ULK4: variants seen among roughly 807,000 people sequenced by gnomAD.
ULK4 encodes the protein inactive serine/threonine-protein kinase ULK4.
ULK4 carries 133 observed loss-of-function variants against 160.6 expected under a neutral mutation model. That is an observed-to-expected ratio of 0.83 (90% confidence interval 0.72 to 0.96). ULK4 has a LOEUF of 0.96. ULK4 is among the 40% of genes least tolerant of loss of function. The pLI is 0.00. For synonymous variants in ULK4, 534 were observed against 539.8 expected (o/e 0.99, Z 0.15); for missense variants, 1,580 against 1,499.5 (o/e 1.05, Z -0.89).
chr3:41,281,514 G>A (rs746755335), intron 35 of ULK4, among the ~76,000 whole-genome samples: 9 of 152,110 alleles, frequency 5.9e-5, no homozygotes, highest in East Asian at 1.9e-4. Context: ...ATCAATGAAC[G>A]TAGTCCATCA....
intron 32 of ULK4, among the ~76,000 whole-genome samples, chr3:41,512,850 G>T (rs1238025733): frequency 5.9e-5 from 9 of 152,052 alleles, no homozygotes; most frequent in Non-Finnish European, 1.3e-4. Context: ...CAAATCTGGA[G>T]GTATCATATT....
At chr3:41,364,953 C>CA (rs2125776244) in intron 35 of ULK4, among the ~76,000 whole-genome samples, 1 of 152,282 alleles carries the variant, frequency 6.6e-6, no homozygotes, top group East Asian at 1.9e-4. Flanking sequence ...ACTGATTCTG[C>CA]AGGCAAGGGG....
At chr3:41,638,380 A>C (rs1160675950) in intron 30 of ULK4, among the ~76,000 whole-genome samples, 1 of 152,170 alleles carries the variant, frequency 6.6e-6, no homozygotes, top group African/African-American at 2.4e-5. Flanking sequence ...TTTATCCTGT[A>C]AACAACTGAG....
chr3:41,370,766 AGTGGC>A (rs2081348429), intron 35 of ULK4, among the ~76,000 whole-genome samples: 1 of 152,198 alleles, frequency 6.6e-6, no homozygotes, highest in Non-Finnish European at 1.5e-5. Context: ...TCCAAACCCC[AGTGGC>A]GCCTGGAACG....
chr3:41,432,815 T>C (rs1345146580), intron 34 of ULK4, among the ~76,000 whole-genome samples: 1 of 152,136 alleles, frequency 6.6e-6, no homozygotes, highest in Non-Finnish European at 1.5e-5. Context: ...CTGAAATCTT[T>C]TACCAACATA....
intron 31 of ULK4, among the ~76,000 whole-genome samples, chr3:41,611,471 C>G (rs1421919667): frequency 2.0e-5 from 3 of 152,216 alleles, no homozygotes; most frequent in Admixed American, 2.0e-4. Context: ...TGTTAGAACT[C>G]CTGGGACATC....
chr3:41,419,869 G>A (rs2082620070), intron 34 of ULK4, among the ~76,000 whole-genome samples: 1 of 151,756 alleles, frequency 6.6e-6, no homozygotes, highest in African/African-American at 2.4e-5. Flanking sequence ...GGGGTGCTGC[G>A]GGGTTTCTGT....
chr3:41,501,783 T>G (rs2085218456), intron 32 of ULK4, among the ~76,000 whole-genome samples: 1 of 152,078 alleles, frequency 6.6e-6, no homozygotes, highest in African/African-American at 2.4e-5. Flanking sequence ...AACTGAAACT[T>G]TGTGTGTTTT....
At chr3:41,255,415 G>A (rs928937865) in intron 35 of ULK4, among the ~76,000 whole-genome samples, 79 of 152,170 alleles carry the variant, frequency 5.2e-4, no homozygotes, top group African/African-American at 1.6e-3. Context: ...CCCGGGAGGC[G>A]GAGGTTGCAG....
At chr3:41,772,285 GT>G (rs2039417591) in intron 21 of ULK4, among the ~76,000 whole-genome samples, 1 of 152,214 alleles carries the variant, frequency 6.6e-6, no homozygotes, top group Middle Eastern at 3.4e-3. Context: ...CCAGGAGCTG[GT>G]TTTTTGAAAA....
In ULK4 at chr3:41,823,607, C is replaced by T. The variant is rs2041224354; in HGVS notation, c.1765-4101G>A. 2.0e-5 allele frequency among the ~76,000 whole-genome samples: 3 copies of T among 152,156 alleles called. No homozygotes were observed. In the South Asian group the frequency reaches 6.2e-4, roughly 32 times the overall value. On this transcript the variant is annotated intron_variant, in intron 18 of 36. Transcript: ENST00000301831. ...CCTTAGGGTGTTACTAGAGAGCCAACAAGACTCAGGTTGTTGTATTATGTA... is the reference window on the plus strand; with the variant it reads ...CCTTAGGGTGTTACTAGAGAGCCAATAAGACTCAGGTTGTTGTATTATGTA...
At chr3:41,331,899 T>A (rs2080450273) in intron 35 of ULK4, among the ~76,000 whole-genome samples, 1 of 152,214 alleles carries the variant, frequency 6.6e-6, no homozygotes, top group South Asian at 2.1e-4. Context: ...TAAGTAGATA[T>A]AAGATTAGAA....
chr3:41,744,233 A>G (rs1021198313), intron 22 of ULK4, among the ~76,000 whole-genome samples: 15 of 152,154 alleles, frequency 9.9e-5, no homozygotes, highest in African/African-American at 3.4e-4. Context: ...TAAATGGTCC[A>G]AACATACCAA....
intron 35 of ULK4, among the ~76,000 whole-genome samples, chr3:41,309,814 A>G (rs577315794): frequency 6.6e-6 from 1 of 152,208 alleles, no homozygotes; most frequent in Non-Finnish European, 1.5e-5. Flanking sequence ...TTGAATCCAG[A>G]AGGAAAGAAT....
At chr3:41,322,678 C>A (rs2080267872) in intron 35 of ULK4, among the ~76,000 whole-genome samples, 1 of 152,182 alleles carries the variant, frequency 6.6e-6, no homozygotes. Context: ...ATAATGAATT[C>A]TTACTTCTTT....
In ULK4 at chr3:41,469,602, C is replaced by CAAAAAAAAAAAAA. The variant is rs71616008; in HGVS notation, c.3227-6362_3227-6350dup. ...TGAAAGAGTGAAGGCCTACACCTGC[C>CAAAAAAAAAAAAA]AAAAAAAAAAAAAAAAAAAAAAAAA... On this transcript the variant is annotated intron_variant, in intron 32 of 36. Coordinates refer to ENST00000301831, the MANE Select transcript of ULK4 (RefSeq NM_017886.4). Among the ~76,000 whole-genome samples, 63 of 11,316 alleles carry CAAAAAAAAAAAAA rather than the reference C, an allele frequency of 5.6e-3. 7 individuals are homozygous for CAAAAAAAAAAAAA. Among genetic ancestry groups the CAAAAAAAAAAAAA allele is most frequent in the African/African-American group, 6.3e-3 (20 of 3,156 alleles). 7.4% of individuals were successfully genotyped at this position (11,316 alleles called of 152,430 possible).
At chr3:41,755,940 C>G (rs1264056082) in intron 21 of ULK4, among the ~76,000 whole-genome samples, 1 of 152,130 alleles carries the variant, frequency 6.6e-6, no homozygotes, top group Non-Finnish European at 1.5e-5. Flanking sequence ...ACAAACTTCT[C>G]AAATGGGTCA....
At chr3:41,699,778 C>T (rs1342448740) in intron 27 of ULK4, among the ~76,000 whole-genome samples, 2 of 151,964 alleles carry the variant, frequency 1.3e-5, no homozygotes, top group Non-Finnish European at 2.9e-5. Flanking sequence ...CAGTCATGCT[C>T]AAAAAGAGGT....
chr3:41,844,443 G>C (rs2042014198), intron 17 of ULK4, among the ~76,000 whole-genome samples: 1 of 152,180 alleles, frequency 6.6e-6, no homozygotes, highest in Non-Finnish European at 1.5e-5. Context: ...GGGGCCGGCA[G>C]GGCCAGCCGG....
Sources: gnomAD v4.1 joint callset for allele counts (sites outside exome capture counted in the v4.1 genomes callset) on GRCh38, gnomAD v4.1.1 for gene constraint, MANE v1.5 for transcripts, NCBI Gene and HGNC (gene_info 2026-07-23, HGNC 2026-07-21) for gene names.